CAPN5: variants seen among roughly 807,000 people sequenced by gnomAD.
CAPN5 encodes the protein calpain 5.
A neutral mutation model predicts 73.0 loss-of-function variants in CAPN5; 54 were observed. That is an observed-to-expected ratio of 0.74 (90% confidence interval 0.59 to 0.93). The LOEUF is 0.93. CAPN5 is among the 40% of genes least tolerant of loss of function. CAPN5 has a pLI of 0.00. For missense variants in CAPN5, 785 were observed against 882.9 expected (o/e 0.89, Z 1.41); for synonymous variants, 335 against 356.9 (o/e 0.94, Z 0.69).
At chr11:77,091,014 C>T (rs782287683) in intron 2 of CAPN5, among the ~76,000 whole-genome samples, 3 of 152,200 alleles carry the variant, frequency 2.0e-5, no homozygotes, top group African/African-American at 4.8e-5. Flanking sequence ...GCAGGTTGGC[C>T]GTGGTGCACC....
intron 3 of CAPN5, among the ~76,000 whole-genome samples, chr11:77,094,971 G>A (rs1187008687): frequency 6.6e-6 from 1 of 152,234 alleles, no homozygotes; most frequent in Non-Finnish European, 1.5e-5. Context: ...GACTCTGGTA[G>A]GTGTCTTGCT....
chr11:77,074,719 G>T (rs1001169499), intron 1 of CAPN5, among the ~76,000 whole-genome samples: 2 of 152,230 alleles, frequency 1.3e-5, no homozygotes, highest in Non-Finnish European at 2.9e-5. Flanking sequence ...GATTGGCAGG[G>T]AATGGGTGAG....
intron 2 of CAPN5, among the ~76,000 whole-genome samples, chr11:77,087,302 G>A (rs1950098154): frequency 6.6e-6 from 1 of 152,242 alleles, no homozygotes; most frequent in Non-Finnish European, 1.5e-5. Flanking sequence ...GGCGGGCCCA[G>A]CCCAGTGGGT....
At chr11:77,086,639 TG>T (rs1425824208) in intron 2 of CAPN5, among the ~76,000 whole-genome samples, 1 of 152,192 alleles carries the variant, frequency 6.6e-6, no homozygotes. Context: ...AGGGAGGCCT[TG>T]GCCTCAAAGG....
intron 3 of CAPN5, among the ~76,000 whole-genome samples, chr11:77,101,620 C>T (rs189872364): frequency 1.3e-5 from 2 of 152,296 alleles, no homozygotes; most frequent in East Asian, 3.9e-4. Flanking sequence ...TGATTAGCCA[C>T]CATCTCACAA....
At chr11:77,073,622 C>T (rs1418434910) in intron 1 of CAPN5, among the ~76,000 whole-genome samples, 4 of 152,226 alleles carry the variant, frequency 2.6e-5, no homozygotes, top group Admixed American at 1.3e-4. Context: ...ACCCTGTTCC[C>T]CATACACACA....
chr11:77,085,100 C>A, intron 2 of CAPN5, 49 bp downstream of exon 2: 1 of 1,553,952 alleles, frequency 6.4e-7, no homozygotes, highest in Non-Finnish European at 8.8e-7. Flanking sequence ...CCAGGCCCAC[C>A]CACAAGGCTG....
intron 3 of CAPN5, among the ~76,000 whole-genome samples, chr11:77,096,237 G>A (rs1202001496): frequency 1.3e-5 from 2 of 151,926 alleles, no homozygotes; most frequent in Admixed American, 6.6e-5. Context: ...TCACATCCTC[G>A]ACACACACGC....
In CAPN5 at chr11:77,112,690, C is replaced by T. The variant is rs35359847; in HGVS notation, c.399C>T (p.Asp133=). 5.2e-4 allele frequency: 839 copies of T among 1,614,232 alleles called. 4 individuals carry two copies. The African/African-American group carries it at 9.1e-3, about 17-fold the overall frequency. ...FHFWRFGEWV[D]VVIDDRLPTV... The stretch of plus-strand genomic sequence containing the variant: ...TCTGGCGCTTCGGGGAATGGGTGGA[C>T]GTGGTCATCGATGACCGGCTGCCCA... The change falls in exon 4 of 13, where the codon GAC becomes GAT. Residue 133 remains aspartate (D), a synonymous_variant. Coordinates refer to ENST00000648180, the MANE Select transcript of CAPN5 (RefSeq NM_004055.5).
At chr11:77,115,362 C>T in intron 5 of CAPN5, 33 bp from the exon 6 acceptor site, 1 of 1,561,478 alleles carries the variant, frequency 6.4e-7, no homozygotes, top group South Asian at 1.2e-5. Flanking sequence ...CCAGTGTGGC[C>T]CTGCCTCTCT....
At chr11:77,104,495 G>T (rs1950322616) in intron 3 of CAPN5, among the ~76,000 whole-genome samples, 1 of 152,204 alleles carries the variant, frequency 6.6e-6, no homozygotes, top group Admixed American at 6.5e-5. Flanking sequence ...ACGGCAGAAT[G>T]GTAACCTCTG....
chr11:77,084,552 A>C (rs1490426750), intron 1 of CAPN5, among the ~76,000 whole-genome samples: 1 of 152,168 alleles, frequency 6.6e-6, no homozygotes, highest in Non-Finnish European at 1.5e-5. Flanking sequence ...GGTGTAGGGA[A>C]GGCTGGTCAA....
rs782423035 is a variant in CAPN5, at chr11:77,114,282, G to A, written c.547G>A (p.Ala183Thr). ...CYQALDGGNTADALVDFTGGV... is the reference protein window; with the variant it reads ...CYQALDGGNTTDALVDFTGGV... ...CCAGGCCCTGGATGGAGGCAACACAGCAGACGCACTGGTGGACTTCACGGG... is the reference window on the plus strand; with the variant it reads ...CCAGGCCCTGGATGGAGGCAACACAACAGACGCACTGGTGGACTTCACGGG... The change falls in exon 5 of 13, where the codon GCA (alanine) becomes ACA (threonine). Residue 183 changes from alanine to threonine, a missense_variant. By Grantham distance (58) the Ala-to-Thr change is moderately conservative. Transcript: ENST00000648180. The A allele has an allele frequency of 2.5e-6, 4 of 1,614,214 alleles. No homozygotes were observed. Among genetic ancestry groups the A allele is most frequent in the African/African-American group, 1.3e-5 (1 of 75,060 alleles).
At chr11:77,068,516 A>G (rs1185964123) in intron 1 of CAPN5, among the ~76,000 whole-genome samples, 2 of 152,140 alleles carry the variant, frequency 1.3e-5, no homozygotes, top group African/African-American at 4.8e-5. Context: ...TTGCAGCCCC[A>G]AGGAACAGCA....
At chr11:77,088,315 C>A (rs1591120174) in intron 2 of CAPN5, among the ~76,000 whole-genome samples, 1 of 152,304 alleles carries the variant, frequency 6.6e-6, no homozygotes, top group East Asian at 1.9e-4. Flanking sequence ...GATGGCCCTA[C>A]TCCTCGGCTC....
At chr11:77,070,637 A>G (rs1311764449) in intron 1 of CAPN5, among the ~76,000 whole-genome samples, 5 of 152,312 alleles carry the variant, frequency 3.3e-5, no homozygotes, top group African/African-American at 9.6e-5. Context: ...TCAAGAGCAT[A>G]TTCCTTTCCT....
Position 77,118,207 on chromosome 11 carries a change from G to A in CAPN5, c.1022G>A (p.Arg341His), listed in dbSNP as rs782209266. Residue 341 changes from arginine to histidine, a missense_variant, in exon 8 of 13, where the codon CGC (arginine) becomes CAC (histidine). By Grantham distance (29) the Arg-to-His change is conservative. Coordinates refer to ENST00000648180, the MANE Select transcript of CAPN5 (RefSeq NM_004055.5). Reference sequence around the variant, plus strand: ...TACTTCACGGACATCATCAAGTGCCGCGTGATCAACACATCCCACCTGAGC... The same window carrying A: ...TACTTCACGGACATCATCAAGTGCCACGTGATCAACACATCCCACCTGAGC... ...CRYFTDIIKC[R>H]VINTSHLSIH... 33 of 1,613,930 alleles carry A rather than the reference G, an allele frequency of 2.0e-5. 1 individual carries two copies. Among genetic ancestry groups the A allele is most frequent in the East Asian group, 4.5e-5 (2 of 44,888 alleles).
In CAPN5 at chr11:77,095,321, G is replaced by C. The variant is rs145605533; in HGVS notation, c.297+1508G>C. Among the ~76,000 whole-genome samples, 1,030 of 152,214 alleles carry C rather than the reference G, an allele frequency of 6.8e-3. 10 individuals carry two copies. The highest frequency in any genetic ancestry group is 0.023 in the African/African-American group (968 of 41,522). ...TCTGAGCTCAGAACAAGGTCCCCCTGCCTTAGAGCCCACCCCCCCACTAGA... is the reference window on the plus strand; with the variant it reads ...TCTGAGCTCAGAACAAGGTCCCCCTCCCTTAGAGCCCACCCCCCCACTAGA... On this transcript the variant is annotated intron_variant, in intron 3 of 12. Coordinates refer to ENST00000648180, the MANE Select transcript of CAPN5 (RefSeq NM_004055.5).
intron 2 of CAPN5, among the ~76,000 whole-genome samples, chr11:77,087,175 T>A (rs1950096526): frequency 6.6e-6 from 1 of 152,186 alleles, no homozygotes; most frequent in Non-Finnish European, 1.5e-5. Context: ...CTAAACCATG[T>A]GTGTAGGCAC....
Sources: allele counts gnomAD v4.1 joint callset (sites outside exome capture counted in the v4.1 genomes callset), GRCh38; gene constraint gnomAD v4.1.1; transcripts MANE v1.5; gene names NCBI Gene and HGNC (gene_info 2026-07-23, HGNC 2026-07-21).